The following ANKS1B variants were observed in gnomAD, a reference collection of about 807,000 sequenced individuals.
ANKS1B encodes the protein ankyrin repeat and sterile alpha motif domain containing 1B.
A neutral mutation model predicts 148.3 loss-of-function variants in ANKS1B; 36 were observed. The observed-to-expected ratio is 0.24, with a 90% CI of 0.19 to 0.32. The LOEUF (loss-of-function observed/expected upper bound fraction) is 0.32. Among genes scored for constraint, ANKS1B ranks in the 10% least tolerant of loss-of-function variants. The pLI is 1.00. For missense variants in ANKS1B, 1,157 were observed against 1,542.6 expected (o/e 0.75, Z 4.19); for synonymous variants, 542 against 560.8 (o/e 0.97, Z 0.47).
rs141060381 is a variant in ANKS1B at position 99,489,591 on chromosome 12, C to T, written c.1438+14885G>A. The stretch of plus-strand genomic sequence containing the variant: ...TCATACCTTCAGAAAGGTATGCCAC[C>T]GTATCTCAAGATTTACACAAATCAC... On this transcript the variant is annotated intron_variant, in intron 10 of 26. Coordinates refer to ENST00000683438, the MANE Select transcript of ANKS1B (RefSeq NM_001352186.2). Among the ~76,000 whole-genome samples the T allele has an allele frequency of 9.2e-5, 14 of 152,184 alleles. No homozygotes were observed. In the East Asian group the frequency reaches 1.9e-3, roughly 21 times the overall value.
intron 8 of ANKS1B, among the ~76,000 whole-genome samples, chr12:99,755,408 C>A (rs563261758): frequency 6.6e-6 from 1 of 152,002 alleles, no homozygotes; most frequent in African/African-American, 2.4e-5. Context: ...CTAAATTCTA[C>A]CAGATGTACA....
chr12:99,526,826 T>C (rs2096931508), intron 9 of ANKS1B, among the ~76,000 whole-genome samples: 1 of 152,220 alleles, frequency 6.6e-6, no homozygotes, highest in African/African-American at 2.4e-5. Flanking sequence ...CTAACCCCAG[T>C]ACATAAGAAT....
intron 9 of ANKS1B, among the ~76,000 whole-genome samples, chr12:99,589,507 C>T (rs887480589): frequency 6.6e-6 from 1 of 152,124 alleles, no homozygotes; most frequent in Non-Finnish European, 1.5e-5. Flanking sequence ...TCCATTAGGT[C>T]ATCTATATTG....
At chr12:99,135,493 G>A (rs982283652) in intron 15 of ANKS1B, among the ~76,000 whole-genome samples, 19 of 152,174 alleles carry the variant, frequency 1.2e-4, no homozygotes, top group Admixed American at 6.5e-5. Flanking sequence ...ATAAAGAGAA[G>A]ATCCTGAAAC....
At chr12:99,121,569 T>C (rs935001805) in intron 15 of ANKS1B, among the ~76,000 whole-genome samples, 16 of 152,072 alleles carry the variant, frequency 1.1e-4, no homozygotes, top group African/African-American at 3.9e-4. Flanking sequence ...GAGAAAAAAA[T>C]GTGGCATATG....
chr12:99,453,820 G>A (rs2095800242), intron 10 of ANKS1B, among the ~76,000 whole-genome samples: 1 of 152,142 alleles, frequency 6.6e-6, no homozygotes, highest in Non-Finnish European at 1.5e-5. Context: ...ACTACTTAAT[G>A]GAAAACATAG....
At chr12:98,804,925 T>C (rs1262302554) in intron 20 of ANKS1B, among the ~76,000 whole-genome samples, 2 of 152,290 alleles carry the variant, frequency 1.3e-5, no homozygotes, top group South Asian at 2.1e-4. Flanking sequence ...CTAAGAAGTC[T>C]TTTGCCACAA....
chr12:99,116,109 G>A (rs1238503021), intron 15 of ANKS1B, among the ~76,000 whole-genome samples: 2 of 152,092 alleles, frequency 1.3e-5, no homozygotes, highest in East Asian at 3.9e-4. Flanking sequence ...TTGCTGCAAG[G>A]ATTAGTGAAT....
chr12:99,634,888 T>C (rs1203489136), intron 9 of ANKS1B, among the ~76,000 whole-genome samples: 1 of 152,082 alleles, frequency 6.6e-6, no homozygotes, highest in Non-Finnish European at 1.5e-5. Flanking sequence ...GTGATTAATA[T>C]CCAGAATATA....
chr12:99,217,275 G>A (rs1382192738), intron 14 of ANKS1B, among the ~76,000 whole-genome samples: 2 of 151,728 alleles, frequency 1.3e-5, no homozygotes, highest in Non-Finnish European at 2.9e-5. Context: ...ACTCATGTGT[G>A]CCAATCTCAT....
chr12:99,510,685 T>C lies in ANKS1B; in HGVS notation c.1273-6044A>G, dbSNP rs184051082. Among the ~76,000 whole-genome samples, 90 of 152,184 alleles carry C rather than the reference T, an allele frequency of 5.9e-4. 1 individual carries two copies. The highest frequency in any genetic ancestry group is 9.2e-4 in the Admixed American group (14 of 15,248). Reference sequence around the variant, plus strand: ...ATAACAAAGGATTTAGAATATTACATAAACTTCATTGATAAAGCAGTGGCA... The same window carrying C: ...ATAACAAAGGATTTAGAATATTACACAAACTTCATTGATAAAGCAGTGGCA... On this transcript the variant is annotated intron_variant, in intron 9 of 26. Transcript: ENST00000683438.
intron 12 of ANKS1B, among the ~76,000 whole-genome samples, chr12:99,385,156 A>G (rs1328760563): frequency 6.7e-6 from 1 of 148,856 alleles, no homozygotes; most frequent in Non-Finnish European, 1.5e-5. Context: ...AGATTAATAT[A>G]TTTAAGATTA....
chr12:99,007,420 T>C (rs1464483269), intron 17 of ANKS1B, among the ~76,000 whole-genome samples: 1 of 152,196 alleles, frequency 6.6e-6, no homozygotes, highest in African/African-American at 2.4e-5. Flanking sequence ...ATAACCTGTT[T>C]ATTGAGGAAT....
chr12:99,543,231 CA>C (rs1567314188), intron 9 of ANKS1B, among the ~76,000 whole-genome samples: 1 of 152,028 alleles, frequency 6.6e-6, no homozygotes, highest in Non-Finnish European at 1.5e-5. Flanking sequence ...TACTAAACAT[CA>C]TTAGTCATTA....
At chr12:99,578,385 A>C (rs949661479) in intron 9 of ANKS1B, among the ~76,000 whole-genome samples, 6 of 152,142 alleles carry the variant, frequency 3.9e-5, no homozygotes, top group Non-Finnish European at 7.4e-5. Context: ...AAGAAATAAA[A>C]GACATCCAAA....
At chr12:99,433,805 C>T (rs979062839) in intron 11 of ANKS1B, among the ~76,000 whole-genome samples, 1 of 152,046 alleles carries the variant, frequency 6.6e-6, no homozygotes, top group Non-Finnish European at 1.5e-5. Flanking sequence ...TGAAAGTAGA[C>T]TGAGAATAGG....
Position 99,465,698 on chromosome 12 carries a change from G to A in ANKS1B, c.1439-21889C>T, listed in dbSNP as rs918097258. On this transcript the variant is annotated intron_variant, in intron 10 of 26. Transcript: ENST00000683438. ...ACAAAGATCAAAAGAGACAAAGCAG[G>A]CCATTATATAATGGTAAAGGGATCA... 1.2e-3 allele frequency among the ~76,000 whole-genome samples: 188 copies of A among 152,226 alleles called. 2 individuals are homozygous for A. Among genetic ancestry groups the A allele is most frequent in the Non-Finnish European group, 9.3e-4 (63 of 68,024 alleles).
intron 14 of ANKS1B, among the ~76,000 whole-genome samples, chr12:99,178,611 A>T (rs1243151375): frequency 6.6e-6 from 1 of 152,172 alleles, no homozygotes; most frequent in Non-Finnish European, 1.5e-5. Context: ...AATGCAGGGA[A>T]TGTTTCCCCA....
chr12:99,729,950 A>G (rs952611769), intron 8 of ANKS1B, among the ~76,000 whole-genome samples: 2 of 152,152 alleles, frequency 1.3e-5, no homozygotes, highest in African/African-American at 4.8e-5. Flanking sequence ...AAATATGACT[A>G]TTTTCCACCT....
Sources: gnomAD v4.1 joint callset for allele counts (sites outside exome capture counted in the v4.1 genomes callset) on GRCh38, gnomAD v4.1.1 for gene constraint, MANE v1.5 for transcripts, NCBI Gene and HGNC (gene_info 2026-07-23, HGNC 2026-07-21) for gene names.